TRAK1: variants seen among roughly 807,000 people sequenced by gnomAD.
The protein encoded by TRAK1 is trafficking kinesin-binding protein 1.
TRAK1 carries 33 observed loss-of-function variants against 92.1 expected under a neutral mutation model. The ratio of observed to expected loss-of-function variants is 0.36; its 90% CI spans 0.27 to 0.48. TRAK1 has a LOEUF of 0.48. TRAK1 is among the 20% of genes least tolerant of loss of function. TRAK1 has a pLI of 0.99. For synonymous variants in TRAK1, 521 were observed against 517.3 expected, an observed-to-expected ratio of 1.01 and a Z score of -0.10; for missense variants, 1,123 against 1,257.9, an observed-to-expected ratio of 0.89 and a Z score of 1.62.
intron 1 of TRAK1, among the ~76,000 whole-genome samples, chr3:42,052,505 C>T (rs114593399): frequency 5.8e-4 from 88 of 152,338 alleles, no homozygotes; most frequent in African/African-American, 1.9e-3. Flanking sequence ...AGGGAAATAA[C>T]CCTCCAGCTT....
At chr3:42,165,906 G>C (rs1295099407) in intron 2 of TRAK1, among the ~76,000 whole-genome samples, 1 of 152,040 alleles carries the variant, frequency 6.6e-6, no homozygotes, top group Non-Finnish European at 1.5e-5. Flanking sequence ...TCACCCCAAG[G>C]CTGGCCATGG....
intron 6 of TRAK1, 47 bp from the exon 7 acceptor site, chr3:42,191,511 C>G (rs1319177707): frequency 1.3e-6 from 2 of 1,545,268 alleles, no homozygotes; most frequent in South Asian, 2.4e-5. Flanking sequence ...CCTGCACCAC[C>G]AGGCCAGGTG....
chr3:42,092,681 T>TGTTG (rs1705229393), intron 1 of TRAK1, among the ~76,000 whole-genome samples: 3 of 131,324 alleles, frequency 2.3e-5, no homozygotes, highest in Admixed American at 7.3e-5. Flanking sequence ...TCCTTTTATT[T>TGTTG]TGTTGTGTTG....
chr3:42,030,935 TC>T (rs1414670451), intron 1 of TRAK1, among the ~76,000 whole-genome samples: 3 of 151,566 alleles, frequency 2.0e-5, no homozygotes, highest in African/African-American at 4.9e-5. Flanking sequence ...TCATCCCAAA[TC>T]ATTGAGCATG....
intron 13 of TRAK1, among the ~76,000 whole-genome samples, chr3:42,207,632 G>A (rs1189151468): frequency 1.3e-5 from 2 of 152,134 alleles, no homozygotes; most frequent in Non-Finnish European, 2.9e-5. Flanking sequence ...AACAAACTGC[G>A]ATGCAGGCCT....
intron 1 of TRAK1, among the ~76,000 whole-genome samples, chr3:42,075,739 T>G (rs1704126534): frequency 6.6e-6 from 1 of 152,230 alleles, no homozygotes; most frequent in Admixed American, 6.5e-5. Flanking sequence ...CTCTGATGAT[T>G]AGTGATGTTG....
intron 13 of TRAK1, among the ~76,000 whole-genome samples, chr3:42,207,603 G>T (rs1364861695): frequency 6.6e-6 from 1 of 152,178 alleles, no homozygotes; most frequent in Non-Finnish European, 1.5e-5. Context: ...CAAGGAGTGA[G>T]CTGATATAAT....
rs564654387 is a variant in TRAK1 at position 42,150,956 on chromosome 3, A to G, written c.286+25342A>G. Reference sequence around the variant, plus strand: ...CATTCTGTTACCTAACTCCAAAAGGAAATTCTAGAGATGCTCCTTTTTGGA... The same window carrying G: ...CATTCTGTTACCTAACTCCAAAAGGGAATTCTAGAGATGCTCCTTTTTGGA... On this transcript the variant is annotated intron_variant, in intron 2 of 15. Coordinates refer to ENST00000327628, the MANE Select transcript of TRAK1 (RefSeq NM_001042646.3). 7.2e-5 allele frequency among the ~76,000 whole-genome samples: 11 copies of G among 152,352 alleles called. No homozygotes were observed. In the South Asian group the frequency reaches 8.3e-4, roughly 11 times the overall value.
chr3:42,096,908 A>G (rs1247242997), intron 1 of TRAK1, among the ~76,000 whole-genome samples: 2 of 152,276 alleles, frequency 1.3e-5, no homozygotes, highest in Non-Finnish European at 2.9e-5. Context: ...AGAAAAATGC[A>G]TACAGTTTAA....
At chr3:42,069,161 GTA>G (rs1158959081) in intron 1 of TRAK1, among the ~76,000 whole-genome samples, 1 of 151,944 alleles carries the variant, frequency 6.6e-6, no homozygotes, top group Non-Finnish European at 1.5e-5. Context: ...CCCTGACTGT[GTA>G]TATACACACA....
At chr3:42,098,656 A>G (rs1185594604) in intron 1 of TRAK1, among the ~76,000 whole-genome samples, 1 of 151,932 alleles carries the variant, frequency 6.6e-6, no homozygotes, top group East Asian at 1.9e-4. Context: ...CTAATTTACA[A>G]ATTTACTGCC....
intron 11 of TRAK1, 76 bp downstream of exon 11, chr3:42,199,329 T>C: frequency 6.9e-7 from 1 of 1,453,108 alleles, no homozygotes; most frequent in East Asian, 2.3e-5. Flanking sequence ...AACCTAGCAA[T>C]GTTGAGGCTC....
chr3:42,052,784 C>T (rs1045457558), intron 1 of TRAK1, among the ~76,000 whole-genome samples: 3 of 152,084 alleles, frequency 2.0e-5, no homozygotes, highest in African/African-American at 4.8e-5. Context: ...TTGCCCCCTC[C>T]CCCATTATGA....
At chr3:42,128,842 G>A (rs1185513844) in intron 2 of TRAK1, among the ~76,000 whole-genome samples, 1 of 114,362 alleles carries the variant, frequency 8.7e-6, no homozygotes, top group Non-Finnish European at 1.9e-5. Flanking sequence ...GTCACAGTTG[G>A]GTAGAGCTGT....
At chr3:42,123,889 T>A (rs1710233238) in intron 1 of TRAK1, among the ~76,000 whole-genome samples, 1 of 152,158 alleles carries the variant, frequency 6.6e-6, no homozygotes. Flanking sequence ...ATGCCTGTAA[T>A]CCCAGCACTT....
chr3:42,161,625 A>G (rs1170804835), intron 2 of TRAK1, among the ~76,000 whole-genome samples: 1 of 152,238 alleles, frequency 6.6e-6, no homozygotes, highest in African/African-American at 2.4e-5. Flanking sequence ...AACATTATTT[A>G]TAATCAGCCA....
In TRAK1 at chr3:42,200,958, C is replaced by A. The variant is rs759876781; in HGVS notation, c.1331C>A (p.Thr444Asn). The A allele has an allele frequency of 2.5e-6, 4 of 1,614,106 alleles. No individual in the cohort carries two copies. Among genetic ancestry groups the A allele is most frequent in the Middle Eastern group, 1.6e-4 (1 of 6,062 alleles). Reference protein sequence around the residue: ...MNSLLSSCVSTPRSSFYGSDI... With the variant: ...MNSLLSSCVSNPRSSFYGSDI... ...TCCCTCCTGTCCAGCTGCGTCAGCA[C>A]CCCCCGGTCCAGCTTCTACGGCAGC... Residue 444 changes from threonine to asparagine, a missense_variant, in exon 12 of 16, where the codon ACC becomes AAC. This residue lies in a region of TRAK1 where 686 missense variants were observed against 747.6 expected (regional missense o/e 0.92). Transcript: ENST00000327628.
rs1242097024 is a variant in TRAK1 at position 42,223,581 on chromosome 3, C to T, written c.2706C>T (p.Thr902=). ...TGCCCCTCAGATGCCCCACTGTCAC[C>T]AGTGCCATCGGTGGGCTGCAGCTCA... ...EGLPLRCPTV[T]SAIGGLQLNS... is the part of the protein sequence containing the mutation. The change falls in exon 16 of 16, where the codon ACC becomes ACT. Residue 902 remains threonine, a synonymous_variant. Transcript: ENST00000327628. This position sits in a 1 kb window ranked among gnomAD's most constrained non-coding sequence, Gnocchi z 6.1. 2 of 1,613,996 alleles carry T rather than the reference C, an allele frequency of 1.2e-6. No homozygotes were observed. The highest frequency in any genetic ancestry group is 1.7e-5 in the Admixed American group (1 of 60,028).
chr3:42,089,715 A>G (rs1451374673), upstream of TRAK1, among the ~76,000 whole-genome samples: 5 of 116,200 alleles, frequency 4.3e-5, no homozygotes, highest in East Asian at 1.3e-3. Context: ...ACCTTTCCCC[A>G]TCTCCCTTTC....
Sources: gnomAD v4.1 joint callset for allele counts (sites outside exome capture counted in the v4.1 genomes callset) on GRCh38, gnomAD v4.1.1 for gene constraint, gnomAD v4.1.1 regional missense constraint, Gnocchi (gnomAD v3.1) non-coding constraint, MANE v1.5 for transcripts, NCBI Gene and HGNC (gene_info 2026-07-23, HGNC 2026-07-21) for gene names.